The following CADM2 variants were observed in gnomAD, a reference collection of about 807,000 sequenced individuals.
CADM2 encodes immunoglobulin superfamily member 4D.
A neutral mutation model predicts 49.8 loss-of-function variants in CADM2; 12 were observed. That is an observed-to-expected ratio of 0.24 (90% confidence interval 0.15 to 0.39). The LOEUF is 0.39. Among genes scored for constraint, CADM2 ranks in the 10% least tolerant of loss-of-function variants. CADM2 has a pLI of 1.00. For missense variants in CADM2, 378 were observed against 492.3 expected, an observed-to-expected ratio of 0.77 and a Z score of 2.20; for synonymous variants, 214 against 175.4, an observed-to-expected ratio of 1.22 and a Z score of -1.74.
intron 1 of CADM2, among the ~76,000 whole-genome samples, chr3:85,426,125 G>A (rs1307017139): frequency 7.4e-6 from 1 of 135,780 alleles, no homozygotes; most frequent in East Asian, 2.6e-4. Context: ...CCTGATTTCA[G>A]GCTATCTTTT....
At chr3:85,655,927 T>C (rs1335288571) in intron 1 of CADM2, among the ~76,000 whole-genome samples, 2 of 152,070 alleles carry the variant, frequency 1.3e-5, no homozygotes, top group African/African-American at 4.8e-5. Flanking sequence ...TTAGTTTGTC[T>C]TCCTCATAGA....
intron 8 of CADM2, among the ~76,000 whole-genome samples, chr3:85,981,791 AT>A (rs1727518269): frequency 6.6e-6 from 1 of 151,748 alleles, no homozygotes; most frequent in Admixed American, 6.6e-5. Flanking sequence ...TGTCTTTGAT[AT>A]TGTGAATAGT....
chr3:85,591,432 T>C (rs944256814), intron 1 of CADM2, among the ~76,000 whole-genome samples: 1 of 151,988 alleles, frequency 6.6e-6, no homozygotes. Flanking sequence ...GTTGGGTTTA[T>C]GGTGTGATAT....
rs1414150256 is a variant in CADM2 at position 85,238,902 on chromosome 3, T to TA, written c.61+279235dup. 5.9e-5 allele frequency among the ~76,000 whole-genome samples: 9 copies of TA among 151,916 alleles called. No individual in the cohort carries two copies. The East Asian group carries it at 1.4e-3, about 23-fold the overall frequency. ...AATGAAATATTAAACTTTTTTTTTT[T>TA]ATTCAAGGGATACAAACTAACCATT... On this transcript the variant is annotated intron_variant, in intron 1 of 9. Coordinates refer to ENST00000383699, the MANE Select transcript of CADM2 (RefSeq NM_001167675.2).
intron 1 of CADM2, among the ~76,000 whole-genome samples, chr3:85,583,060 G>T (rs1030834221): frequency 6.6e-6 from 1 of 152,100 alleles, no homozygotes; most frequent in Admixed American, 6.5e-5. Flanking sequence ...AATATATGTT[G>T]GTGGGGATTT....
chr3:84,982,733 A>ATG (rs2032272303), intron 1 of CADM2, among the ~76,000 whole-genome samples: 1 of 116,650 alleles, frequency 8.6e-6, no homozygotes, highest in Admixed American at 1.0e-4. Context: ...ATATATATAT[A>ATG]TACATTTTTT....
intron 1 of CADM2, among the ~76,000 whole-genome samples, chr3:85,119,395 T>C (rs752031001): frequency 6.6e-6 from 1 of 152,242 alleles, no homozygotes; most frequent in Non-Finnish European, 1.5e-5. Flanking sequence ...TTTTGGTTAC[T>C]GTAGGCTTGT....
chr3:85,449,406 G>T (rs2037645925), intron 1 of CADM2, among the ~76,000 whole-genome samples: 1 of 151,764 alleles, frequency 6.6e-6, no homozygotes, highest in Non-Finnish European at 1.5e-5. Context: ...GTATAAAGAC[G>T]CTTTGCTCCT....
intron 1 of CADM2, among the ~76,000 whole-genome samples, chr3:85,011,469 A>G (rs933806971): frequency 6.6e-6 from 1 of 152,212 alleles, no homozygotes; most frequent in Non-Finnish European, 1.5e-5. Context: ...AACAAAAATA[A>G]TTTTATAATT....
At chr3:85,940,189 A>T (rs1381040386) in intron 7 of CADM2, among the ~76,000 whole-genome samples, 1 of 145,780 alleles carries the variant, frequency 6.9e-6, no homozygotes, top group Non-Finnish European at 1.5e-5. Context: ...AAAAAAAAAA[A>T]ATAGCCGGGC....
intron 1 of CADM2, among the ~76,000 whole-genome samples, chr3:85,127,658 G>T (rs1333882825): frequency 6.6e-6 from 1 of 151,994 alleles, no homozygotes; most frequent in East Asian, 1.9e-4. Flanking sequence ...CCACCCCATG[G>T]CTTCTATTTT....
intron 1 of CADM2, among the ~76,000 whole-genome samples, chr3:85,354,341 C>T (rs1458346056): frequency 1.4e-4 from 14 of 101,670 alleles, no homozygotes; most frequent in Admixed American, 3.2e-4. Context: ...CATCACACTC[C>T]GGGGACTGTT....
chr3:85,604,032 A>T (rs1193770581), intron 1 of CADM2, among the ~76,000 whole-genome samples: 1 of 151,984 alleles, frequency 6.6e-6, no homozygotes, highest in African/African-American at 2.4e-5. Flanking sequence ...GAATCTTATT[A>T]TACATACTCA....
At chr3:85,979,193 A>G (rs575854018) in intron 8 of CADM2, 2 of 1,610,442 alleles carry the variant, frequency 1.2e-6, no homozygotes, top group African/African-American at 1.3e-5. Flanking sequence ...TCCCACTACT[A>G]TCATCCCCTC....
Position 86,046,518 on chromosome 3 carries a change from C to T in CADM2, c.971-19087C>T, listed in dbSNP as rs553990522. ...TTGGGGACAATTTTTATTGTAATCA[C>T]TTGAGGGCTGGAGTACTGGTATCTA... On this transcript the variant is annotated intron_variant, in intron 8 of 9. Coordinates refer to ENST00000383699, the MANE Select transcript of CADM2 (RefSeq NM_001167675.2). Among the ~76,000 whole-genome samples the T allele has an allele frequency of 5.9e-5, 9 of 152,044 alleles. No homozygotes were observed. The South Asian group carries it at 1.9e-3, about 32-fold the overall frequency.
intron 8 of CADM2, among the ~76,000 whole-genome samples, chr3:85,970,175 C>T (rs1309336815): frequency 6.7e-6 from 1 of 149,980 alleles, no homozygotes; most frequent in South Asian, 2.1e-4. Context: ...TGATTCAAAA[C>T]ATAAATAACT....
At chr3:85,290,420 A>G (rs2043756610) in intron 1 of CADM2, among the ~76,000 whole-genome samples, 1 of 152,208 alleles carries the variant, frequency 6.6e-6, no homozygotes, top group African/African-American at 2.4e-5. Flanking sequence ...GGAAGCTCCA[A>G]CTGGGTGGAG....
chr3:85,739,101 A>C (rs2068270612), intron 2 of CADM2, among the ~76,000 whole-genome samples: 1 of 152,146 alleles, frequency 6.6e-6, no homozygotes, highest in Admixed American at 6.5e-5. Flanking sequence ...TTTGCCCTAC[A>C]TGATGACATT....
At chr3:85,134,248 A>G (rs1396077408) in intron 1 of CADM2, among the ~76,000 whole-genome samples, 2 of 152,120 alleles carry the variant, frequency 1.3e-5, no homozygotes, top group Non-Finnish European at 2.9e-5. Flanking sequence ...GTCTCCCTCC[A>G]CACCTCCCTG....
Sources: gnomAD v4.1 joint callset for allele counts (sites outside exome capture counted in the v4.1 genomes callset) on GRCh38, gnomAD v4.1.1 for gene constraint, MANE v1.5 for transcripts, NCBI Gene and HGNC (gene_info 2026-07-23, HGNC 2026-07-21) for gene names.